DNAH12: variants seen among roughly 807,000 people sequenced by gnomAD.
The protein encoded by DNAH12 is axonemal beta dynein heavy chain 12.
Under a neutral mutation model 371.5 loss-of-function variants are expected in DNAH12, and 285 were observed. That is an observed-to-expected ratio of 0.77 (90% CI 0.70 to 0.85). The LOEUF (loss-of-function observed/expected upper bound fraction) is 0.85. Among genes scored for constraint, DNAH12 ranks in the 40% least tolerant of loss-of-function variants. The pLI is 0.00. For missense variants in DNAH12, 3,611 were observed against 3,689.4 expected (o/e 0.98, Z 0.55); for synonymous variants, 1,200 against 1,213.0 (o/e 0.99, Z 0.22).
At chr3:57,414,447 G>A (rs1383509560) in intron 38 of DNAH12, among the ~76,000 whole-genome samples, 1 of 152,030 alleles carries the variant, frequency 6.6e-6, no homozygotes, top group Non-Finnish European at 1.5e-5. Context: ...ATGGGTAATT[G>A]TGTGTTGTGA....
In DNAH12 at chr3:57,511,030, T is replaced by C. The variant is rs770714930; in HGVS notation, c.280-51A>G. 2.9e-6 allele frequency: 4 copies of C among 1,391,758 alleles called. No individual in the cohort carries two copies. The South Asian group carries it at 5.7e-5, about 20-fold the overall frequency. The allele number at this position is 1,391,758 out of a possible 1,614,324, so 86.2% of individuals were successfully genotyped here. On this transcript the variant is annotated intron_variant, in intron 4 of 73. Transcript: ENST00000495027. ...GTTCTGCATGGTTGTATCATTTCAG[T>C]GTAACTCCTGAACTCTCCCTTCCTA...
At chr3:57,483,752 C>T (rs1367959319) in intron 12 of DNAH12, among the ~76,000 whole-genome samples, 1 of 151,464 alleles carries the variant, frequency 6.6e-6, no homozygotes, top group African/African-American at 2.4e-5. Context: ...TCAAAACCAG[C>T]CTGTGCAAAG....
chr3:57,346,093 G>A (rs2062535325), intron 60 of DNAH12, among the ~76,000 whole-genome samples: 1 of 152,058 alleles, frequency 6.6e-6, no homozygotes, highest in African/African-American at 2.4e-5. Flanking sequence ...TGAGATGATG[G>A]ATATGCTCAT....
In DNAH12 at chr3:57,473,080, ATCTTT is replaced by A. The variant is rs1305385686; in HGVS notation, c.1651-414_1651-410del. Among the ~76,000 whole-genome samples, 4 of 152,048 alleles carry A rather than the reference ATCTTT, an allele frequency of 2.6e-5. No individual in the cohort carries two copies. The East Asian group carries it at 7.7e-4, about 29-fold the overall frequency. ...AATCTTTGATGACAAAGATTTTAGT[ATCTTT>A]TCTTTTGTTTTGTATCTTCACTGAC... On this transcript the variant is annotated intron_variant, in intron 13 of 73. Coordinates refer to ENST00000495027, the MANE Select transcript of DNAH12 (RefSeq NM_001366028.2).
In DNAH12 at chr3:57,375,534, A is replaced by G. The variant is rs2153339051; in HGVS notation, c.8614-18T>C. The G allele has an allele frequency of 6.6e-6, 1 of 152,274 alleles. No individual in the cohort carries two copies. The highest frequency in any genetic ancestry group is 1.9e-4 in the East Asian group (1 of 5,196). The allele number at this position is 152,274 out of a possible 1,614,324, so 9.4% of individuals were successfully genotyped here. ...TTTTTCTTCTGTAAGAAATAAACAAAAATCTATTTTCCTTCACCTTGTTAA... is the reference window on the plus strand; with the variant it reads ...TTTTTCTTCTGTAAGAAATAAACAAGAATCTATTTTCCTTCACCTTGTTAA... On this transcript the variant is annotated intron_variant, in intron 54 of 73. Coordinates refer to ENST00000495027, the MANE Select transcript of DNAH12 (RefSeq NM_001366028.2).
At chr3:57,519,992 C>G (rs891661794) in intron 4 of DNAH12, 10 of 789,016 alleles carry the variant, frequency 1.3e-5, no homozygotes, top group African/African-American at 8.6e-5. Flanking sequence ...GGTTCCTCGC[C>G]GTCTTCCACG....
At chr3:57,421,900 G>GTTTTTTTTTTTTTTTTT (rs1383551758) in intron 35 of DNAH12, among the ~76,000 whole-genome samples, 194 bp from the exon 36 acceptor site, 2 of 97,714 alleles carry the variant, frequency 2.0e-5, no homozygotes, top group Non-Finnish European at 4.0e-5. Flanking sequence ...ATGTTTGCAT[G>GTTTTTTTTTTTTTTTTT]TCTTTTTTTT....
chr3:57,400,240 A>G (rs1242420756), intron 43 of DNAH12, among the ~76,000 whole-genome samples: 1 of 152,220 alleles, frequency 6.6e-6, no homozygotes, highest in African/African-American at 2.4e-5. Flanking sequence ...GTGAGCTGAT[A>G]TCGTGCCACT....
intron 34 of DNAH12, among the ~76,000 whole-genome samples, chr3:57,427,845 C>A (rs2064828842): frequency 6.6e-6 from 1 of 152,060 alleles, no homozygotes; most frequent in Non-Finnish European, 1.5e-5. Flanking sequence ...GAAGTATAGC[C>A]CTCTACAAAC....
At chr3:57,443,329 C>T (rs1314708658) in intron 29 of DNAH12, among the ~76,000 whole-genome samples, 1 of 152,094 alleles carries the variant, frequency 6.6e-6, no homozygotes, top group Non-Finnish European at 1.5e-5. Context: ...AGGCTGGTCT[C>T]AAACTCCTGA....
At chr3:57,459,356 G>A (rs563807446) in intron 20 of DNAH12, among the ~76,000 whole-genome samples, 1 of 152,296 alleles carries the variant, frequency 6.6e-6, no homozygotes, top group South Asian at 2.1e-4. Context: ...ATGTGAATCA[G>A]ATGTACATTT....
chr3:57,379,943 AAAT>A (rs2063354913), intron 51 of DNAH12, among the ~76,000 whole-genome samples: 1 of 151,760 alleles, frequency 6.6e-6, no homozygotes, highest in Admixed American at 6.6e-5. Flanking sequence ...TTTGAATAGA[AAAT>A]AATATGCTAT....
At chr3:57,345,063 A>C (rs1360577301) in intron 60 of DNAH12, among the ~76,000 whole-genome samples, 1 of 152,170 alleles carries the variant, frequency 6.6e-6, no homozygotes, top group Non-Finnish European at 1.5e-5. Flanking sequence ...TATGCATTAT[A>C]TACTATATTC....
chr3:57,441,092 C>A (rs1268111240), intron 29 of DNAH12, among the ~76,000 whole-genome samples: 1 of 152,078 alleles, frequency 6.6e-6, no homozygotes, highest in African/African-American at 2.4e-5. Flanking sequence ...ATAGATGACC[C>A]AGATGTCATA....
chr3:57,418,549 A>C lies in DNAH12; in HGVS notation c.5714+818T>G, dbSNP rs911077024. ...AGTGAGACCCTGTCTCAAAAAAAAA[A>C]ACAAAAAACTGCTATACTAGAAATG... On this transcript the variant is annotated intron_variant, in intron 37 of 73. Coordinates refer to ENST00000495027, the MANE Select transcript of DNAH12 (RefSeq NM_001366028.2). Among the ~76,000 whole-genome samples the C allele has an allele frequency of 5.3e-5, 8 of 150,918 alleles. 1 individual carries two copies. In the East Asian group the frequency reaches 5.8e-4, roughly 11 times the overall value.
Position 57,504,086 on chromosome 3 carries a change from A to G in DNAH12, c.1016T>C (p.Phe339Ser), listed in dbSNP as rs764139594. 9.3e-6 allele frequency: 15 copies of G among 1,613,950 alleles called. No homozygotes were observed. Among genetic ancestry groups the G allele is most frequent in the Admixed American group, 6.7e-5 (4 of 59,994 alleles). ...TTCCAAATCTTGAAAGGTAGGATAA[A>G]ATTCCATTTTGTCGTCATCAAATGT... is the stretch of plus-strand genomic sequence containing the variant. The part of the protein sequence containing the change: ...ELTFDDDKME[F>S]YPTFQDLEDN... Residue 339 changes from phenylalanine (F) to serine (S), a missense_variant, in exon 9 of 74, where the codon TTT becomes TCT. By Grantham distance (155) the Phe-to-Ser change is radical. Coordinates refer to ENST00000495027, the MANE Select transcript of DNAH12 (RefSeq NM_001366028.2).
chr3:57,446,480 T>A (rs2153370749), intron 26 of DNAH12, 57 bp downstream of exon 26: 1 of 1,482,480 alleles, frequency 6.7e-7, no homozygotes, highest in South Asian at 1.4e-5. Context: ...ATTTATCCAA[T>A]TAGACCTAGC....
chr3:57,542,230 G>C lies in DNAH12; in HGVS notation c.170+471C>G, dbSNP rs542046502. Among the ~76,000 whole-genome samples the C allele has an allele frequency of 4.0e-5, 6 of 150,442 alleles. No homozygotes were observed. In the South Asian group the frequency reaches 8.4e-4, roughly 21 times the overall value. ...AGCAAAAAAATTTCAAATATAAGTAGTTTCAAGATATTTTATTAAGTATTT... is the reference window on the plus strand; with the variant it reads ...AGCAAAAAAATTTCAAATATAAGTACTTTCAAGATATTTTATTAAGTATTT... On this transcript the variant is annotated intron_variant, in intron 2 of 73. Transcript: ENST00000495027.
chr3:57,346,320 G>A (rs1553658016), intron 60 of DNAH12, among the ~76,000 whole-genome samples: 1 of 152,128 alleles, frequency 6.6e-6, no homozygotes, highest in Non-Finnish European at 1.5e-5. Context: ...AAACTGTAAA[G>A]AGTCTGTTAC....
Sources: allele counts gnomAD v4.1 joint callset (sites outside exome capture counted in the v4.1 genomes callset), GRCh38; gene constraint gnomAD v4.1.1; transcripts MANE v1.5; gene names NCBI Gene and HGNC (gene_info 2026-07-23, HGNC 2026-07-21).